Variants in MPDU1 observed in about 807,000 individuals in gnomAD.
MPDU1 encodes mannose-P-dolichol utilization defect 1 protein.
Under a neutral mutation model 27.6 loss-of-function variants are expected in MPDU1, and 18 were observed. That is an observed-to-expected ratio of 0.65 (90% CI 0.45 to 0.97). MPDU1 has a LOEUF of 0.97. Ranked by LOEUF, MPDU1 falls within the 50% of genes least tolerant of loss-of-function variation. The pLI, the probability that MPDU1 is intolerant of heterozygous loss-of-function variation, is 0.00. For synonymous variants in MPDU1, 142 were observed against 131.1 expected (o/e 1.08, Z -0.57); for missense variants, 279 against 297.4 (o/e 0.94, Z 0.46).
chr17:7,588,158 A>G lies in MPDU1; in HGVS notation c.*607A>G, dbSNP rs1333371061. 1.5e-6 allele frequency: 1 copy of G among 684,226 alleles called. No individual in the cohort carries two copies. Among genetic ancestry groups the G allele is most frequent in the East Asian group, 2.8e-5 (1 of 35,694 alleles). The allele number at this position is 684,226 out of a possible 1,614,324, so 42.4% of individuals were successfully genotyped here. Reference sequence around the variant, plus strand: ...CTGCAGTGAGGGGAACAGATGGGACAATAAAGACTGGAGACTCAGTTGAAT... The same window carrying G: ...CTGCAGTGAGGGGAACAGATGGGACGATAAAGACTGGAGACTCAGTTGAAT... On this transcript the variant is annotated 3_prime_UTR_variant, in exon 7 of 7. Transcript: ENST00000250124.
At chr17:7,583,833 G>C (rs1301848955), upstream of MPDU1, 2 of 1,609,780 alleles carry the variant, frequency 1.2e-6, no homozygotes, top group African/African-American at 2.7e-5. Flanking sequence ...ATGGCGGTCT[G>C]GAGAGACTGG....
At chr17:7,584,216 A>T in intron 1 of MPDU1, 1 of 600,464 alleles carries the variant, frequency 1.7e-6, no homozygotes, top group South Asian at 2.0e-5. Context: ...AAAAACGAAG[A>T]GTCAACTTTT....
rs1180683928 is a variant in MPDU1, at chr17:7,587,720, TC to T, written c.*171del. ...GAAACAAATGGTTGATGGATCCAGA[TC>T]CTTAGAAAAGGAGAGGATGGGGGTA... On this transcript the variant is annotated 3_prime_UTR_variant, in exon 7 of 7. Coordinates refer to ENST00000250124, the MANE Select transcript of MPDU1 (RefSeq NM_004870.4). 1 of 1,036,198 alleles carries T rather than the reference TC, an allele frequency of 9.7e-7. No homozygotes were observed. Among genetic ancestry groups the T allele is most frequent in the Non-Finnish European group, 1.4e-6 (1 of 691,928 alleles). The allele number at this position is 1,036,198 out of a possible 1,614,324, so 64.2% of individuals were successfully genotyped here.
At chr17:7,584,703 T>C (rs760279164) in intron 1 of MPDU1, among the ~76,000 whole-genome samples, 7 of 151,540 alleles carry the variant, frequency 4.6e-5, no homozygotes, top group Non-Finnish European at 8.8e-5. Flanking sequence ...CAAGAAAGAG[T>C]GGTATGGGGC....
chr17:7,586,878 C>T, intron 4 of MPDU1, 21 bp from the exon 5 acceptor site: 1 of 1,612,602 alleles, frequency 6.2e-7, no homozygotes, highest in Non-Finnish European at 8.5e-7. Context: ...TTGACAAGGA[C>T]TCCTGTCTCC....
chr17:7,584,836 A>G (rs2071554434), intron 1 of MPDU1, among the ~76,000 whole-genome samples: 1 of 152,110 alleles, frequency 6.6e-6, no homozygotes. Flanking sequence ...TACTAAAAAT[A>G]CAAAAAATTA....
At position 7,588,006 on chromosome 17, in the gene MPDU1, C is replaced by T. The variant is rs571090952; in HGVS notation, c.*455C>T. ...CCTCAGCCCGGCTGGGACTGTCTCC[C>T]GGACCCCAGTGCTGGGGTGGGGGAA... is the stretch of plus-strand genomic sequence containing the variant. On this transcript the variant is annotated 3_prime_UTR_variant, in exon 7 of 7. Transcript: ENST00000250124. 9 of 485,992 alleles carry T rather than the reference C, an allele frequency of 1.9e-5. No homozygotes were observed. The highest frequency in any genetic ancestry group is 5.9e-5 in the East Asian group (1 of 16,914). The allele number at this position is 485,992 out of a possible 1,614,324, so 30.1% of individuals were successfully genotyped here. A position where few individuals can be genotyped will look rare whatever the true frequency, so the allele number is the denominator to read the frequency against.
rs758686598 is a variant in MPDU1, at chr17:7,587,680, G to A, written c.*129G>A. 7.4e-7 allele frequency: 1 copy of A among 1,351,396 alleles called. No individual in the cohort carries two copies. The highest frequency in any genetic ancestry group is 1.4e-5 in the African/African-American group (1 of 69,276). 83.7% of individuals were successfully genotyped at this position (1,351,396 alleles called of 1,614,324 possible). ...TGCACTTGCAGACTTTCTGAGCCAG[G>A]GTTTTCTTTTAGTGGAAACAAATGG... On this transcript the variant is annotated 3_prime_UTR_variant, in exon 7 of 7. Transcript: ENST00000250124.
At chr17:7,583,700 T>C (rs763008821), upstream of MPDU1, 4 of 818,172 alleles carry the variant, frequency 4.9e-6, no homozygotes, top group Non-Finnish European at 8.5e-6. Context: ...CTGAGACTTA[T>C]TTTACGCCAC....
chr17:7,587,050 G>T, intron 5 of MPDU1, 33 bp downstream of exon 5: 8 of 1,585,376 alleles, frequency 5.0e-6, no homozygotes, highest in Non-Finnish European at 6.9e-6. Context: ...AAGATGTTGT[G>T]GGGGCAGGGT....
intron 1 of MPDU1, among the ~76,000 whole-genome samples, chr17:7,584,888 G>C (rs1052892499): frequency 6.6e-6 from 1 of 152,216 alleles, no homozygotes; most frequent in Non-Finnish European, 1.5e-5. Context: ...AGCTACTCGG[G>C]AGGCTGAGGC....
chr17:7,585,632 T>C, intron 1 of MPDU1, 100 bp from the exon 2 acceptor site: 1 of 1,121,648 alleles, frequency 8.9e-7, no homozygotes, highest in East Asian at 2.4e-5. Context: ...TGCAAGACCC[T>C]GGTGTGGGTA....
chr17:7,584,965 C>T (rs1035215170), intron 1 of MPDU1, among the ~76,000 whole-genome samples: 1 of 152,000 alleles, frequency 6.6e-6, no homozygotes, highest in African/African-American at 2.4e-5. Flanking sequence ...TGCACTCCAG[C>T]CTGGGCAACA....
chr17:7,586,593 C>A, intron 3 of MPDU1, 99 bp from the exon 4 acceptor site: 2 of 1,054,960 alleles, frequency 1.9e-6, no homozygotes, highest in Non-Finnish European at 3.0e-6. Flanking sequence ...TGTAGAGAAG[C>A]GTGATCAGAG....
Position 7,588,176 on chromosome 17 carries a change from A to G in MPDU1, c.*625A>G. On this transcript the variant is annotated 3_prime_UTR_variant, in exon 7 of 7. Transcript: ENST00000250124. ...ATGGGACAATAAAGACTGGAGACTC[A>G]GTTGAATAATACAAAACTGTTTAAT... 1.4e-6 allele frequency: 1 copy of G among 709,274 alleles called. No homozygotes were observed. Among genetic ancestry groups the G allele is most frequent in the Non-Finnish European group, 2.6e-6 (1 of 386,830 alleles). 43.9% of individuals were successfully genotyped at this position (709,274 alleles called of 1,614,324 possible). A position where few individuals can be genotyped will look rare whatever the true frequency, so the allele number is the denominator to read the frequency against.
chr17:7,587,558 C>T lies in MPDU1; in HGVS notation c.*7C>T. ...GCAGAAAAAGGCGCAGTAGAGCCAG[C>T]TACTGGAGTCATTCCGTTTCCACTC... On this transcript the variant is annotated 3_prime_UTR_variant, in exon 7 of 7. Coordinates refer to ENST00000250124, the MANE Select transcript of MPDU1 (RefSeq NM_004870.4). The T allele has an allele frequency of 6.2e-7, 1 of 1,613,728 alleles. No individual in the cohort carries two copies. Among genetic ancestry groups the T allele is most frequent in the Non-Finnish European group, 8.5e-7 (1 of 1,179,922 alleles).
Position 7,587,468 on chromosome 17 carries a change from T to A in MPDU1, c.661T>A (p.Ser221Thr), listed in dbSNP as rs761520453. ...GATGGCTGGGACCTTTGTGGTCTCC[T>A]CTCTCTGCAACGGCCTCATCGCCGC... is the stretch of plus-strand genomic sequence containing the variant. ...PLMAGTFVVS[S>T]LCNGLIAAQL... The change falls in exon 7 of 7, where the codon TCT (serine) becomes ACT (threonine). Residue 221 changes from serine to threonine, a missense_variant. By Grantham distance (58) the Ser-to-Thr change is moderately conservative (BLOSUM62 1). Transcript: ENST00000250124. 8 of 1,613,748 alleles carry A rather than the reference T, an allele frequency of 5.0e-6. No individual in the cohort carries two copies. In the Admixed American group the frequency reaches 1.2e-4, roughly 24 times the overall value.
At chr17:7,585,422 A>G (rs1597862880) in intron 1 of MPDU1, among the ~76,000 whole-genome samples, 1 of 152,096 alleles carries the variant, frequency 6.6e-6, no homozygotes, top group Non-Finnish European at 1.5e-5. Context: ...CTGTAATTCT[A>G]GCTACTTGGG....
chr17:7,584,385 T>C lies in MPDU1; in HGVS notation c.103+420T>C, dbSNP rs897923266. On this transcript the variant is annotated intron_variant, in intron 1 of 6. Transcript: ENST00000250124. ...TCTTTCCAGCCTCCAGGTTTGCTCA[T>C]AGTCTGATTTCGGAATAATTTGCCT... is the stretch of plus-strand genomic sequence containing the variant. The C allele has an allele frequency of 2.4e-5, 9 of 378,704 alleles. No individual in the cohort carries two copies. The Admixed American group carries it at 3.6e-4, about 15-fold the overall frequency. The allele number at this position is 378,704 out of a possible 1,614,324, so 23.5% of individuals were successfully genotyped here.
Sources: gnomAD v4.1 joint callset for allele counts (sites outside exome capture counted in the v4.1 genomes callset) on GRCh38, gnomAD v4.1.1 for gene constraint, MANE v1.5 for transcripts, NCBI Gene and HGNC (gene_info 2026-07-23, HGNC 2026-07-21) for gene names.